The following PCDHGB1 variants were observed in gnomAD, a reference collection of about 807,000 sequenced individuals.
PCDHGB1 encodes the protein protocadherin gamma-B1.
A neutral mutation model predicts 56.6 loss-of-function variants in PCDHGB1; 34 were observed. The observed-to-expected ratio is 0.60, with a 90% CI of 0.46 to 0.80. The LOEUF (loss-of-function observed/expected upper bound fraction) is 0.80. PCDHGB1 is among the 30% of genes least tolerant of loss of function. The probability of loss-of-function intolerance (pLI) is 0.00; values close to 1 mark genes in which losing one functional copy is unlikely to be tolerated. For missense variants in PCDHGB1, 1,278 were observed against 1,204.6 expected, an observed-to-expected ratio of 1.06 and a Z score of -0.90; for synonymous variants, 561 against 505.9, an observed-to-expected ratio of 1.11 and a Z score of -1.46.
At chr5:141,404,333 C>G (rs181615917) in intron 1 of PCDHGB1, 10 of 1,613,736 alleles carry the variant, frequency 6.2e-6, no homozygotes, top group Non-Finnish European at 8.5e-6. Flanking sequence ...CTCAGTCTAC[C>G]TCCCGGAAAA....
At chr5:141,413,805 C>T (rs772637762) in intron 1 of PCDHGB1, 1 of 1,613,166 alleles carries the variant, frequency 6.2e-7, no homozygotes, top group South Asian at 1.1e-5. Flanking sequence ...AGGAAGAGGC[C>T]ATTCACCACC....
At position 141,485,062 on chromosome 5, in the gene PCDHGB1, C is replaced by A; in HGVS notation, c.2410-9745C>A. 1 of 876,340 alleles carries A rather than the reference C, an allele frequency of 1.1e-6. No individual in the cohort carries two copies. Among genetic ancestry groups the A allele is most frequent in the African/African-American group, 1.7e-5 (1 of 59,510 alleles). The allele number at this position is 876,340 out of a possible 1,614,324, so 54.3% of individuals were successfully genotyped here. On this transcript the variant is annotated intron_variant, in intron 1 of 3. Coordinates refer to ENST00000523390, the MANE Select transcript of PCDHGB1 (RefSeq NM_018922.3). This position sits in a 1 kb window ranked among gnomAD's most constrained non-coding sequence, Gnocchi z 5.7. ...CCTTGCGGCGCCGGCCGAACCGCGC[C>A]AGAGCTGGCGCGGGGAAAGGGAGAT...
intron 1 of PCDHGB1, among the ~76,000 whole-genome samples, chr5:141,447,123 T>G (rs1004463863): frequency 1.3e-5 from 2 of 152,160 alleles, no homozygotes; most frequent in Non-Finnish European, 2.9e-5. Flanking sequence ...CCATGGATTT[T>G]TTTGTTTGTT....
rs147674746 is a variant in PCDHGB1, at chr5:141,477,348, C to G, written c.2410-17459C>G. 7 of 1,614,180 alleles carry G rather than the reference C, an allele frequency of 4.3e-6. No individual in the cohort carries two copies. Among genetic ancestry groups the G allele is most frequent in the Non-Finnish European group, 5.9e-6 (7 of 1,180,030 alleles). ...CTCAAGAATTACTTCACTTTGAAAA[C>G]CAGTGCAGACCTGGATCGGGAGACT... is the stretch of plus-strand genomic sequence containing the variant. On this transcript the variant is annotated intron_variant, in intron 1 of 3. Transcript: ENST00000523390. The surrounding 1 kb of genome is among the most constrained non-coding windows in gnomAD (Gnocchi z 4.9).
rs138616951 is a variant in PCDHGB1, at chr5:141,490,312, C to T, written c.2410-4495C>T. On this transcript the variant is annotated intron_variant, in intron 1 of 3. Transcript: ENST00000523390. The surrounding 1 kb of genome is among the most constrained non-coding windows in gnomAD (Gnocchi z 5.4). ...GGTGCTATTGGCCTCTTTGGCCAAC[C>T]CTGTCCTAGAGAGCACACCAGTGGG... 67 of 1,614,050 alleles carry T rather than the reference C, an allele frequency of 4.2e-5. No individual in the cohort carries two copies. The highest frequency in any genetic ancestry group is 5.3e-5 in the Non-Finnish European group (63 of 1,180,008).
At position 141,366,001 on chromosome 5, in the gene PCDHGB1, C is replaced by T. The variant is rs367829732; in HGVS notation, c.2409+13332C>T. ...GCCTGTTTGTGCTGGACCAGAACGA[C>T]AATACGCCTGAGATCCTGTACCCCG... On this transcript the variant is annotated intron_variant, in intron 1 of 3. Transcript: ENST00000523390. 1.4e-5 allele frequency: 22 copies of T among 1,614,272 alleles called. No individual in the cohort carries two copies. The Admixed American group carries it at 1.8e-4, about 13-fold the overall frequency.
At chr5:141,482,234 A>G (rs11748256) in intron 1 of PCDHGB1, among the ~76,000 whole-genome samples, 44,758 of 152,044 alleles carry the variant, frequency 0.29, 7,110 homozygotes, top group African/African-American at 0.42. Context: ...GAAATTGCCA[A>G]TATAAGTATA....
chr5:141,486,456 C>G lies in PCDHGB1; in HGVS notation c.2410-8351C>G. ...AGCTATGACATCATGGTCACTGCTT[C>G]TGATGCTGGGAACCCTCCTCTCAGT... is the stretch of plus-strand genomic sequence containing the variant. On this transcript the variant is annotated intron_variant, in intron 1 of 3. Transcript: ENST00000523390. The surrounding 1 kb of genome is among the most constrained non-coding windows in gnomAD (Gnocchi z 5.0). The G allele has an allele frequency of 1.9e-6, 3 of 1,614,052 alleles. No homozygotes were observed. In the South Asian group the frequency reaches 3.3e-5, roughly 18 times the overall value.
chr5:141,429,592 T>C (rs2097226711), intron 1 of PCDHGB1, among the ~76,000 whole-genome samples: 1 of 152,234 alleles, frequency 6.6e-6, no homozygotes, highest in Non-Finnish European at 1.5e-5. Flanking sequence ...ATTCTTGTAA[T>C]TCAAGTAAAC....
intron 1 of PCDHGB1, chr5:141,418,939 C>G: frequency 6.2e-7 from 1 of 1,613,760 alleles, no homozygotes; most frequent in Non-Finnish European, 8.5e-7. Context: ...TGGAGGATTC[C>G]CCTCCAGGAG....
chr5:141,478,956 T>C (rs2099484450), intron 1 of PCDHGB1, among the ~76,000 whole-genome samples: 1 of 152,200 alleles, frequency 6.6e-6, no homozygotes. Context: ...AACTACCTCA[T>C]TCCTCCACCT....
intron 1 of PCDHGB1, chr5:141,389,555 G>A (rs755878042): frequency 1.2e-5 from 20 of 1,613,076 alleles, no homozygotes; most frequent in East Asian, 6.7e-5. Flanking sequence ...ACGACAATGC[G>A]CCACGGGTGC....
chr5:141,395,157 C>G, intron 1 of PCDHGB1: 2 of 1,614,174 alleles, frequency 1.2e-6, no homozygotes, highest in Non-Finnish European at 1.7e-6. Context: ...GCTCATCAGT[C>G]AGGAGGGCTG....
At chr5:141,362,409 A>C (rs778172417) in intron 1 of PCDHGB1, 1 of 1,614,000 alleles carries the variant, frequency 6.2e-7, no homozygotes, top group Non-Finnish European at 8.5e-7. Flanking sequence ...GTGTTGCCTC[A>C]CAATCAGCCA....
At chr5:141,382,483 A>G (rs1778240323) in intron 1 of PCDHGB1, among the ~76,000 whole-genome samples, 1 of 152,250 alleles carries the variant, frequency 6.6e-6, no homozygotes, top group Non-Finnish European at 1.5e-5. Context: ...TAAGATTATC[A>G]AACACCGGTC....
At position 141,393,382 on chromosome 5, in the gene PCDHGB1, T is replaced by G. The variant is rs778957877; in HGVS notation, c.2409+40713T>G. ...GTGCAGACTGGAGACAATGGAGCCA[T>G]AAACCCAGAGCTGGTGCTGGAGCGC... On this transcript the variant is annotated intron_variant, in intron 1 of 3. Coordinates refer to ENST00000523390, the MANE Select transcript of PCDHGB1 (RefSeq NM_018922.3). The G allele has an allele frequency of 1.9e-6, 3 of 1,613,948 alleles. No individual in the cohort carries two copies. In the South Asian group the frequency reaches 3.3e-5, roughly 18 times the overall value.
Position 141,490,845 on chromosome 5 carries a change from G to T in PCDHGB1, c.2410-3962G>T, listed in dbSNP as rs748605746. The T allele has an allele frequency of 1.4e-5, 22 of 1,613,726 alleles. No individual in the cohort carries two copies. The highest frequency in any genetic ancestry group is 1.7e-5 in the Non-Finnish European group (20 of 1,179,894). On this transcript the variant is annotated intron_variant, in intron 1 of 3. Coordinates refer to ENST00000523390, the MANE Select transcript of PCDHGB1 (RefSeq NM_018922.3). This position sits in a 1 kb window ranked among gnomAD's most constrained non-coding sequence, Gnocchi z 5.4. ...TGCAGATGCTGCAGATTGTGGTGGG[G>T]GTTCGAGACTCCGGCTCTCCCCCAT...
intron 3 of PCDHGB1, among the ~76,000 whole-genome samples, chr5:141,509,422 G>A (rs1181133903): frequency 3.3e-5 from 5 of 152,136 alleles, no homozygotes; most frequent in Non-Finnish European, 5.9e-5. Flanking sequence ...GCCCCAATGA[G>A]TCAAACTCTT....
chr5:141,450,734 G>A (rs1365470415), intron 1 of PCDHGB1, among the ~76,000 whole-genome samples: 6 of 151,868 alleles, frequency 4.0e-5, no homozygotes, highest in South Asian at 2.1e-4. Context: ...TGATCCGCCC[G>A]CCTTGGCCTC....
Sources: allele counts gnomAD v4.1 joint callset (sites outside exome capture counted in the v4.1 genomes callset), GRCh38; gene constraint gnomAD v4.1.1; non-coding constraint Gnocchi (gnomAD v3.1); transcripts MANE v1.5; gene names NCBI Gene and HGNC (gene_info 2026-07-23, HGNC 2026-07-21).